Variants in ADAMTS3 observed in about 807,000 individuals in gnomAD.
ADAMTS3 encodes ADAM metallopeptidase with thrombospondin type 1 motif 3.
A neutral mutation model predicts 129.0 loss-of-function variants in ADAMTS3; 73 were observed. The ratio of observed to expected loss-of-function variants is 0.57; its 90% confidence interval spans 0.47 to 0.69. ADAMTS3 has a LOEUF of 0.69. Ranked by LOEUF, ADAMTS3 falls within the 30% of genes least tolerant of loss-of-function variation. The pLI is 0.00. For synonymous variants in ADAMTS3, 477 were observed against 510.8 expected (o/e 0.93, Z 0.89); for missense variants, 1,457 against 1,514.5 (o/e 0.96, Z 0.63).
At chr4:72,302,255 T>C (rs1392415058) in intron 17 of ADAMTS3, among the ~76,000 whole-genome samples, 2 of 151,252 alleles carry the variant, frequency 1.3e-5, no homozygotes, top group Non-Finnish European at 2.9e-5. Context: ...AAGGGTAACT[T>C]AGATGTAATG....
chr4:72,332,230 G>T (rs1207668904), intron 5 of ADAMTS3, among the ~76,000 whole-genome samples: 13 of 152,130 alleles, frequency 8.5e-5, no homozygotes, highest in Admixed American at 8.5e-4. Flanking sequence ...TTTCAAAAAA[G>T]TTAAAAAATC....
chr4:72,349,314 C>T (rs2063723745), intron 4 of ADAMTS3, among the ~76,000 whole-genome samples: 1 of 151,924 alleles, frequency 6.6e-6, no homozygotes, highest in South Asian at 2.1e-4. Flanking sequence ...TTTGATCATA[C>T]ATGATTGATC....
At chr4:72,322,147 T>C (rs1354331256) in intron 6 of ADAMTS3, among the ~76,000 whole-genome samples, 1 of 152,200 alleles carries the variant, frequency 6.6e-6, no homozygotes, top group African/African-American at 2.4e-5. Context: ...TTGGAGGCTG[T>C]TATTTCCAGC....
intron 4 of ADAMTS3, among the ~76,000 whole-genome samples, chr4:72,349,531 G>A (rs1422877523): frequency 1.3e-5 from 2 of 151,956 alleles, no homozygotes; most frequent in Non-Finnish European, 2.9e-5. Context: ...AAAGTCTGGA[G>A]ACATTGGCAG....
chr4:72,463,001 C>G (rs967833851), intron 3 of ADAMTS3, among the ~76,000 whole-genome samples: 6 of 151,944 alleles, frequency 3.9e-5, no homozygotes, highest in Admixed American at 3.9e-4. Flanking sequence ...CAGAGTCATA[C>G]AGAGCAACTT....
At position 72,455,881 on chromosome 4, in the gene ADAMTS3, A is replaced by C. The variant is rs1373386675; in HGVS notation, c.505-40910T>G. Among the ~76,000 whole-genome samples, 8 of 120,602 alleles carry C rather than the reference A, an allele frequency of 6.6e-5. 1 individual carries two copies. The highest frequency in any genetic ancestry group is 2.5e-4 in the African/African-American group (8 of 32,250). 79.1% of individuals were successfully genotyped at this position (120,602 alleles called of 152,430 possible). A position where few individuals can be genotyped will look rare whatever the true frequency, so the allele number is the denominator to read the frequency against. On this transcript the variant is annotated intron_variant, in intron 3 of 21. Coordinates refer to ENST00000286657, the MANE Select transcript of ADAMTS3 (RefSeq NM_014243.3). ...ATATAGTATATACACTGTATATACT[A>C]TATATATTTTATATATAGTATATAC... is the stretch of plus-strand genomic sequence containing the variant.
intron 3 of ADAMTS3, among the ~76,000 whole-genome samples, chr4:72,519,830 T>G (rs911032822): frequency 1.3e-5 from 2 of 152,250 alleles, no homozygotes; most frequent in Non-Finnish European, 2.9e-5. Flanking sequence ...AGCCTTCTTC[T>G]CTCAACTCAT....
chr4:72,460,147 T>A (rs1718726795), intron 3 of ADAMTS3, among the ~76,000 whole-genome samples: 1 of 151,456 alleles, frequency 6.6e-6, no homozygotes, highest in South Asian at 2.1e-4. Flanking sequence ...CCGCCCCCAC[T>A]TTTTTTACCG....
rs34598767 is a variant in ADAMTS3 at position 72,549,950 on chromosome 4, T to TAAAA, written c.98-1070_98-1067dup. Among the ~76,000 whole-genome samples, 76 of 12,642 alleles carry TAAAA rather than the reference T, an allele frequency of 6.0e-3. 6 individuals carry two copies. Among genetic ancestry groups the TAAAA allele is most frequent in the African/African-American group, 8.5e-3 (17 of 1,990 alleles). 8.3% of individuals were successfully genotyped at this position (12,642 alleles called of 152,430 possible). A position where few individuals can be genotyped will look rare whatever the true frequency, so the allele number is the denominator to read the frequency against. On this transcript the variant is annotated intron_variant, in intron 2 of 21. Coordinates refer to ENST00000286657, the MANE Select transcript of ADAMTS3 (RefSeq NM_014243.3). Reference sequence around the variant, plus strand: ...GAAACAAGCAGCAGGGCAACAAGGGTAAAAAAAAAAAAAAGAAGAAGAAGA... The same window carrying TAAAA: ...GAAACAAGCAGCAGGGCAACAAGGGTAAAAAAAAAAAAAAAAAAGAAGAAGAAGA...
At chr4:72,331,484 G>A (rs902884492) in intron 5 of ADAMTS3, among the ~76,000 whole-genome samples, 1 of 151,980 alleles carries the variant, frequency 6.6e-6, no homozygotes, top group Non-Finnish European at 1.5e-5. Flanking sequence ...TCTAAAACAC[G>A]GACTGATCAA....
At chr4:72,389,368 G>A (rs555722073) in intron 4 of ADAMTS3, among the ~76,000 whole-genome samples, 1 of 152,098 alleles carries the variant, frequency 6.6e-6, no homozygotes, top group Admixed American at 6.5e-5. Context: ...ATAAATTAGT[G>A]GTGGGGCTTT....
At chr4:72,355,255 A>T (rs1407617383) in intron 4 of ADAMTS3, among the ~76,000 whole-genome samples, 1 of 151,962 alleles carries the variant, frequency 6.6e-6, no homozygotes, top group African/African-American at 2.4e-5. Context: ...TCCCTGAACC[A>T]AGGGACCAGC....
intron 3 of ADAMTS3, among the ~76,000 whole-genome samples, chr4:72,415,320 G>A (rs116988452): frequency 1.3e-5 from 2 of 151,716 alleles, no homozygotes; most frequent in African/African-American, 4.8e-5. Context: ...AATCATATGG[G>A]ACACATAAAT....
At chr4:72,550,012 A>G (rs1407694254) in intron 2 of ADAMTS3, among the ~76,000 whole-genome samples, 91 of 1,542 alleles carry the variant, frequency 0.059, 8 homozygotes, top group South Asian at 0.15. Flanking sequence ...AAGAAGAAGA[A>G]GAAGAAGAAG....
chr4:72,334,978 GA>G (rs989424979), intron 5 of ADAMTS3, among the ~76,000 whole-genome samples: 1 of 152,150 alleles, frequency 6.6e-6, no homozygotes, highest in African/African-American at 2.4e-5. Flanking sequence ...AAGGAGTGGG[GA>G]TGAGTAGAGG....
chr4:72,289,446 A>G (rs909219130), intron 20 of ADAMTS3, among the ~76,000 whole-genome samples: 1 of 152,168 alleles, frequency 6.6e-6, no homozygotes, highest in Non-Finnish European at 1.5e-5. Flanking sequence ...CATTTCTCTA[A>G]TGAAAAGGTT....
At chr4:72,512,901 T>C (rs1455739737) in intron 3 of ADAMTS3, among the ~76,000 whole-genome samples, 3 of 152,166 alleles carry the variant, frequency 2.0e-5, no homozygotes, top group African/African-American at 7.2e-5. Flanking sequence ...GTGGGTATTC[T>C]TTTCACGTGT....
intron 4 of ADAMTS3, among the ~76,000 whole-genome samples, chr4:72,345,837 T>C (rs1433152759): frequency 1.3e-5 from 2 of 152,124 alleles, no homozygotes; most frequent in Non-Finnish European, 2.9e-5. Context: ...TATTAGCAAA[T>C]GAAATTTTAA....
chr4:72,384,367 T>A (rs1050631196), intron 4 of ADAMTS3, among the ~76,000 whole-genome samples: 4 of 152,194 alleles, frequency 2.6e-5, no homozygotes, highest in Non-Finnish European at 4.4e-5. Flanking sequence ...GGGCAGTTTT[T>A]AGTCACATTG....
Sources: allele counts gnomAD v4.1 joint callset (sites outside exome capture counted in the v4.1 genomes callset), GRCh38; gene constraint gnomAD v4.1.1; transcripts MANE v1.5; gene names NCBI Gene and HGNC (gene_info 2026-07-23, HGNC 2026-07-21).